The following NCALD variants were observed in gnomAD, a reference collection of about 807,000 sequenced individuals.
NCALD encodes the protein neurocalcin-delta.
NCALD carries 10 observed loss-of-function variants against 18.6 expected under a neutral mutation model. The ratio of observed to expected loss-of-function variants is 0.54; its 90% CI spans 0.33 to 0.91. The LOEUF (loss-of-function observed/expected upper bound fraction) is 0.91, where lower values mean the gene tolerates loss of function less well. NCALD is among the 40% of genes least tolerant of loss of function. The pLI is 0.03. For synonymous variants in NCALD, 88 were observed against 87.4 expected (o/e 1.01, Z -0.04); for missense variants, 184 against 247.6 (o/e 0.74, Z 1.72).
intron 1 of NCALD, among the ~76,000 whole-genome samples, chr8:102,123,555 T>C (rs1466180647): frequency 6.6e-6 from 1 of 151,800 alleles, no homozygotes; most frequent in Non-Finnish European, 1.5e-5. Flanking sequence ...CCTGCTTCTC[T>C]GGGAGCTAAA....
chr8:101,900,823 T>C lies in NCALD; in HGVS notation c.-106-13596A>G, dbSNP rs944191818. ...GTCAATTCTTCTGTTGTTGGGTGGA[T>C]TGTATAAATATAAATTAGATCTAGT... is the stretch of plus-strand genomic sequence containing the variant. On this transcript the variant is annotated intron_variant, in intron 3 of 6. Transcript: ENST00000311028. Among the ~76,000 whole-genome samples the C allele has an allele frequency of 4.7e-4, 71 of 152,062 alleles. 1 individual carries two copies. Among genetic ancestry groups the C allele is most frequent in the Non-Finnish European group, 1.3e-4 (9 of 67,918 alleles).
rs192653297 is a variant in NCALD at position 101,689,101 on chromosome 8, C to T, written c.*208G>A. 5.7e-4 allele frequency: 398 copies of T among 703,984 alleles called. 1 individual carries two copies. The African/African-American group carries it at 6.3e-3, about 11-fold the overall frequency. The allele number at this position is 703,984 out of a possible 1,614,324, so 43.6% of individuals were successfully genotyped here. A position where few individuals can be genotyped will look rare whatever the true frequency, so the allele number is the denominator to read the frequency against. ...ATGAACACCACGAAGTCTGTCCATG[C>T]TCTCCACAAGCACACTGGGGCTCTG... On this transcript the variant is annotated 3_prime_UTR_variant, in exon 4 of 4. Transcript: ENST00000220931. This position sits in a 1 kb window ranked among gnomAD's most constrained non-coding sequence, Gnocchi z 4.4.
intron 1 of NCALD, among the ~76,000 whole-genome samples, chr8:101,762,284 T>A (rs764791784): frequency 3.9e-5 from 6 of 152,112 alleles, no homozygotes; most frequent in African/African-American, 4.8e-5. Context: ...CTAATAAAAA[T>A]TCCATTTTGC....
chr8:101,716,275 T>C (rs1426982493), intron 2 of NCALD, among the ~76,000 whole-genome samples: 1 of 151,592 alleles, frequency 6.6e-6, no homozygotes, highest in African/African-American at 2.4e-5. Context: ...ACAATGAGAA[T>C]ATATGGGCAC....
At chr8:101,859,266 ATT>A (rs1389704586) in intron 4 of NCALD, among the ~76,000 whole-genome samples, 3 of 152,126 alleles carry the variant, frequency 2.0e-5, no homozygotes, top group Non-Finnish European at 2.9e-5. Flanking sequence ...TACACCAGTG[ATT>A]TGCCAGGGCC....
At chr8:102,006,047 G>A (rs1381533489) in intron 2 of NCALD, among the ~76,000 whole-genome samples, 1 of 151,200 alleles carries the variant, frequency 6.6e-6, no homozygotes, top group Non-Finnish European at 1.5e-5. Context: ...AAAAAAAACT[G>A]GAGAGTTAAC....
chr8:101,695,752 GT>G (rs1814960482), intron 2 of NCALD, among the ~76,000 whole-genome samples: 1 of 152,042 alleles, frequency 6.6e-6, no homozygotes, highest in Non-Finnish European at 1.5e-5. Flanking sequence ...CACCCAGAAT[GT>G]TCTCCTTTTA....
At chr8:102,029,020 G>A (rs993215734) in intron 1 of NCALD, 4 of 152,140 alleles carry the variant, frequency 2.6e-5, no homozygotes, top group Admixed American at 6.6e-5. Flanking sequence ...CTGGGAATTC[G>A]GAGGAGTGAT....
chr8:101,917,545 T>C (rs1818012304), intron 2 of NCALD, among the ~76,000 whole-genome samples: 1 of 151,916 alleles, frequency 6.6e-6, no homozygotes, highest in Non-Finnish European at 1.5e-5. Flanking sequence ...AAACTAAAAG[T>C]TGGTTCTTTG....
chr8:102,012,445 AAG>A (rs747843066), intron 2 of NCALD, among the ~76,000 whole-genome samples: 7 of 152,240 alleles, frequency 4.6e-5, no homozygotes, highest in Non-Finnish European at 1.0e-4. Context: ...GCTAATTGCT[AAG>A]AGTTTCCAAA....
At chr8:101,733,057 C>A (rs1430788520) in intron 1 of NCALD, among the ~76,000 whole-genome samples, 1 of 152,016 alleles carries the variant, frequency 6.6e-6, no homozygotes, top group African/African-American at 2.4e-5. Flanking sequence ...GGTGTAGAAC[C>A]AGAACCATCC....
chr8:102,046,811 T>G (rs1823261591), intron 1 of NCALD, among the ~76,000 whole-genome samples: 1 of 151,602 alleles, frequency 6.6e-6, no homozygotes, highest in Non-Finnish European at 1.5e-5. Flanking sequence ...TTTTTTTTTT[T>G]GAACTTTTAT....
intron 4 of NCALD, among the ~76,000 whole-genome samples, chr8:101,883,403 C>G (rs1166719124): frequency 1.3e-5 from 2 of 152,078 alleles, no homozygotes; most frequent in Non-Finnish European, 2.9e-5. Flanking sequence ...CCGCTCAGCT[C>G]CTTCTCCATC....
intron 2 of NCALD, among the ~76,000 whole-genome samples, chr8:101,704,023 T>C (rs573938442): frequency 6.6e-6 from 1 of 152,130 alleles, no homozygotes; most frequent in Non-Finnish European, 1.5e-5. Flanking sequence ...TCATGATTTG[T>C]GGGGCACTGG....
chr8:101,960,201 A>T (rs1819786623), intron 2 of NCALD, among the ~76,000 whole-genome samples: 1 of 152,128 alleles, frequency 6.6e-6, no homozygotes, highest in African/African-American at 2.4e-5. Context: ...AGAGCCCACC[A>T]TACCATTCTG....
At chr8:102,039,790 A>T (rs1822987061) in intron 1 of NCALD, among the ~76,000 whole-genome samples, 1 of 152,106 alleles carries the variant, frequency 6.6e-6, no homozygotes, top group South Asian at 2.1e-4. Flanking sequence ...TAGATCCCTC[A>T]TTAATAGATT....
Position 101,689,745 on chromosome 8 carries a change from G to A in NCALD, c.485-339C>T, listed in dbSNP as rs1008726726. Among the ~76,000 whole-genome samples, 4 of 152,182 alleles carry A rather than the reference G, an allele frequency of 2.6e-5. No individual in the cohort carries two copies. Among genetic ancestry groups the A allele is most frequent in the South Asian group, 2.1e-4 (1 of 4,832 alleles). On this transcript the variant is annotated intron_variant, in intron 3 of 3. Coordinates refer to ENST00000220931, the MANE Select transcript of NCALD (RefSeq NM_032041.3). The surrounding 1 kb of genome is among the most constrained non-coding windows in gnomAD (Gnocchi z 4.4). ...CTGACCTCCTGGCTCCAGGCGCCCT[G>A]GAGAGGCTCACTCAGCATTTGTAAA...
intron 4 of NCALD, among the ~76,000 whole-genome samples, chr8:101,835,968 T>G (rs1325148677): frequency 6.6e-6 from 1 of 152,110 alleles, no homozygotes; most frequent in Non-Finnish European, 1.5e-5. Context: ...CCTGTGCTCA[T>G]AAGCTGACCT....
At chr8:102,029,807 G>A (rs112839939) in intron 1 of NCALD, among the ~76,000 whole-genome samples, 1,659 of 152,262 alleles carry the variant, frequency 0.011, 33 homozygotes, top group African/African-American at 0.037. Context: ...GGCACAGCTC[G>A]CTTTAATGCA....
Sources: allele counts gnomAD v4.1 joint callset (sites outside exome capture counted in the v4.1 genomes callset), GRCh38; gene constraint gnomAD v4.1.1; non-coding constraint Gnocchi (gnomAD v3.1); transcripts MANE v1.5; gene names NCBI Gene and HGNC (gene_info 2026-07-23, HGNC 2026-07-21).